Variants in KIF27 observed in about 807,000 individuals in gnomAD.
KIF27 encodes kinesin-like protein KIF27.
Under a neutral mutation model 141.8 loss-of-function variants are expected in KIF27, and 84 were observed. That is an observed-to-expected ratio of 0.59 (90% CI 0.50 to 0.71). KIF27 has a LOEUF of 0.71. KIF27 is among the 30% of genes least tolerant of loss of function. The probability of loss-of-function intolerance (pLI) is 0.00; values close to 1 mark genes in which losing one functional copy is unlikely to be tolerated. For synonymous variants in KIF27, 471 were observed against 569.5 expected, an observed-to-expected ratio of 0.83 and a Z score of 2.46; for missense variants, 1,306 against 1,628.4, an observed-to-expected ratio of 0.80 and a Z score of 3.41.
chr9:83,841,279 C>T (rs1249147400), intron 17 of KIF27, among the ~76,000 whole-genome samples: 1 of 152,198 alleles, frequency 6.6e-6, no homozygotes, highest in Non-Finnish European at 1.5e-5. Context: ...CCATGTTGGT[C>T]AGGTTGGTCT....
In KIF27 at chr9:83,899,797, A is replaced by C. The variant is rs903207904; in HGVS notation, c.1466T>G (p.Leu489Arg). The C allele has an allele frequency of 6.2e-7, 1 of 1,610,882 alleles. No homozygotes were observed. Among genetic ancestry groups the C allele is most frequent in the African/African-American group, 1.3e-5 (1 of 74,914 alleles). ...ATTAAATACTACTTCATCAGCAGCA[A>C]GCACACACTAGTGGGGAAAGAAAGC... The part of the protein sequence containing the change: ...KRELKKCQCV[L>R]AADEVVFNQK... The change falls in exon 5 of 18, where the codon CTT becomes CGT. Residue 489 changes from leucine (L) to arginine (R), a missense_variant. Coordinates refer to ENST00000297814, the MANE Select transcript of KIF27 (RefSeq NM_017576.4).
At chr9:83,899,122 A>G (rs1011774996) in intron 5 of KIF27, among the ~76,000 whole-genome samples, 1 of 152,202 alleles carries the variant, frequency 6.6e-6, no homozygotes, top group Non-Finnish European at 1.5e-5. Flanking sequence ...GCTTTAAATG[A>G]TATTAACTAT....
Position 83,867,811 on chromosome 9 carries a change from A to T in KIF27, c.2807T>A (p.Leu936Gln). ...CTCCTCTAATTCTTGGCGTTGGTTC[A>T]GAACTTTCTCTACTTCTTCATCTAA... ...KWLDEEVEKV[L>Q]NQRQELEELE... Residue 936 changes from leucine to glutamine, a missense_variant, in exon 13 of 18, where the codon CTG becomes CAG. Coordinates refer to ENST00000297814, the MANE Select transcript of KIF27 (RefSeq NM_017576.4). 6.2e-7 allele frequency: 1 copy of T among 1,612,202 alleles called. No individual in the cohort carries two copies.
At chr9:83,872,061 A>G (rs966746836) in intron 11 of KIF27, among the ~76,000 whole-genome samples, 12 of 150,020 alleles carry the variant, frequency 8.0e-5, no homozygotes, top group African/African-American at 2.4e-4. Flanking sequence ...GTGGTGGCTC[A>G]TGCCTGTAAT....
In KIF27 at chr9:83,853,771, C is replaced by T. The variant is rs1948871669; in HGVS notation, c.3215G>A (p.Arg1072Lys). ...IEALEAAIEY[R>K]NESIQNRQKS... ...CTGGCGATTCTGGATACTTTCATTC[C>T]TGTATTCAATTGCAGCTTCCAAAGC... The change falls in exon 15 of 18, where the codon AGG (arginine) becomes AAG (lysine). Residue 1072 changes from arginine to lysine, a missense_variant. By Grantham distance (26) the Arg-to-Lys change is conservative. Coordinates refer to ENST00000297814, the MANE Select transcript of KIF27 (RefSeq NM_017576.4). 5.6e-6 allele frequency: 9 copies of T among 1,613,742 alleles called. No homozygotes were observed. The highest frequency in any genetic ancestry group is 6.8e-6 in the Non-Finnish European group (8 of 1,179,726).
chr9:83,911,005 A>C (rs2132719056), intron 2 of KIF27, among the ~76,000 whole-genome samples: 1 of 152,304 alleles, frequency 6.6e-6, no homozygotes, highest in African/African-American at 2.4e-5. Flanking sequence ...GTGACATAAC[A>C]TGCTAAGAGA....
chr9:83,837,412 G>C lies in KIF27; in HGVS notation c.3795C>G (p.Ser1265=). Residue 1265 remains serine, a synonymous_variant, in exon 18 of 18, where the codon TCC becomes TCG. Transcript: ENST00000297814. The part of the protein sequence containing the change: ...GMLSEELKWA[S]RPESMKLSGR... ...CACTTAATTTCATACTTTCAGGTCT[G>C]GATGCCCATTTTAATTCTTCTGAAA... The C allele has an allele frequency of 6.2e-7, 1 of 1,612,374 alleles. No homozygotes were observed.
At chr9:83,888,732 A>C in intron 7 of KIF27, 140 bp from the exon 8 acceptor site, 1 of 488,762 alleles carries the variant, frequency 2.0e-6, no homozygotes, top group Non-Finnish European at 3.5e-6. Flanking sequence ...TATTGCTCAA[A>C]ATAAAAGGAT....
chr9:83,853,688 T>C lies in KIF27; in HGVS notation c.3298A>G (p.Lys1100Glu), dbSNP rs779980486. 3 of 1,613,894 alleles carry C rather than the reference T, an allele frequency of 1.9e-6. No homozygotes were observed. The South Asian group carries it at 3.3e-5, about 18-fold the overall frequency. Residue 1100 changes from lysine (K) to glutamate (E), a missense_variant, in exon 15 of 18, where the codon AAG becomes GAG. Physicochemically the swap from Lys to Glu is moderately conservative, Grantham distance 56 (BLOSUM62 1). Coordinates refer to ENST00000297814, the MANE Select transcript of KIF27 (RefSeq NM_017576.4). Reference protein sequence around the residue: ...LSRGEANVLEKLACLSPVEIR... With the variant: ...LSRGEANVLEELACLSPVEIR... ...TCAACAGGACTCAGGCAAGCTAGCT[T>C]TTCCAAGACATTTGCTTCACCACGA...
At chr9:83,905,530 T>C (rs1954429857) in intron 3 of KIF27, among the ~76,000 whole-genome samples, 1 of 152,268 alleles carries the variant, frequency 6.6e-6, no homozygotes, top group African/African-American at 2.4e-5. Flanking sequence ...TTTACTCAGA[T>C]ACTGTCACAT....
chr9:83,895,510 A>G (rs1441586401), intron 5 of KIF27, among the ~76,000 whole-genome samples: 2 of 152,192 alleles, frequency 1.3e-5, no homozygotes, highest in East Asian at 3.9e-4. Context: ...GATGCTTTCT[A>G]TCACCACTTG....
chr9:83,917,287 T>C (rs997683661), intron 1 of KIF27, among the ~76,000 whole-genome samples: 2 of 152,248 alleles, frequency 1.3e-5, no homozygotes, highest in Admixed American at 1.3e-4. Flanking sequence ...GTAAAACATA[T>C]AGTCTGAAAA....
rs1949617336 is a variant in KIF27 at position 83,859,346 on chromosome 9, A to G, written c.2960T>C (p.Ile987Thr). ...TTCCAGTAAGTTCAGGCGAGTTGAT[A>G]TTTTCAAACTATCTGTGTTTAAGGC... ...SQALNTDSLK[I>T]STRLNLLEQE... Residue 987 changes from isoleucine (I) to threonine (T), a missense_variant, in exon 14 of 18, where the codon ATA becomes ACA. Physicochemically the swap from Ile to Thr is moderately conservative, Grantham distance 89. Coordinates refer to ENST00000297814, the MANE Select transcript of KIF27 (RefSeq NM_017576.4). 1 of 1,614,052 alleles carries G rather than the reference A, an allele frequency of 6.2e-7. No individual in the cohort carries two copies.
intron 5 of KIF27, among the ~76,000 whole-genome samples, chr9:83,894,234 A>G (rs148787570): frequency 0.02 from 3,033 of 152,276 alleles, 83 homozygotes; most frequent in African/African-American, 0.069. Context: ...TAAATAATCT[A>G]TATTATGAGG....
At chr9:83,891,174 C>T (rs2483201) in intron 6 of KIF27, 121 bp downstream of exon 6, 1 of 698,988 alleles carries the variant, frequency 1.4e-6, no homozygotes, top group Non-Finnish European at 2.4e-6. Context: ...AAAAGGTATA[C>T]ACAAAATTCC....
intron 2 of KIF27, 121 bp downstream of exon 2, chr9:83,915,173 C>T (rs1955566075): frequency 1.4e-6 from 1 of 730,784 alleles, no homozygotes; most frequent in African/African-American, 1.8e-5. Flanking sequence ...CATTTGATTA[C>T]ATGATTCATT....
rs750631509 is a variant in KIF27, at chr9:83,903,165, C to G, written c.1353G>C (p.Lys451Asn). The G allele has an allele frequency of 6.2e-7, 1 of 1,614,102 alleles. No homozygotes were observed. The highest frequency in any genetic ancestry group is 1.1e-5 in the South Asian group (1 of 91,086). The stretch of plus-strand genomic sequence containing the variant: ...TTCCTCGAAATGAGGTGAGGACAGC[C>G]TTCCTGACCTCTTGGATCATGTTAA... ...EWFNMIQEVRKAVLTSFRGIG... is the reference protein window; with the variant it reads ...EWFNMIQEVRNAVLTSFRGIG... Residue 451 changes from lysine to asparagine, a missense_variant, in exon 4 of 18, where the codon AAG becomes AAC. This residue lies in a region of KIF27 where 533 missense variants were observed against 565.6 expected (regional missense o/e 0.94). Coordinates refer to ENST00000297814, the MANE Select transcript of KIF27 (RefSeq NM_017576.4).
At position 83,853,513 on chromosome 9, in the gene KIF27, G is replaced by A. The variant is rs1010141855; in HGVS notation, c.3357+116C>T. Reference sequence around the variant, plus strand: ...AAGAGAAATCATGCTTAAATTTGTAGTTACATCATCAAATCTTTAAGCCTT... The same window carrying A: ...AAGAGAAATCATGCTTAAATTTGTAATTACATCATCAAATCTTTAAGCCTT... On this transcript the variant is annotated intron_variant, in intron 15 of 17. Transcript: ENST00000297814. 2.0e-5 allele frequency: 14 copies of A among 683,124 alleles called. No homozygotes were observed. The African/African-American group carries it at 2.2e-4, about 11-fold the overall frequency. The allele number at this position is 683,124 out of a possible 1,614,324, so 42.3% of individuals were successfully genotyped here. A position where few individuals can be genotyped will look rare whatever the true frequency, so the allele number is the denominator to read the frequency against.
intron 1 of KIF27, among the ~76,000 whole-genome samples, chr9:83,919,090 AAAC>A (rs1588357133): frequency 6.6e-6 from 1 of 152,062 alleles, no homozygotes; most frequent in Non-Finnish European, 1.5e-5. Flanking sequence ...ACAAACAAAC[AAAC>A]AACAACCACA....
Sources: allele counts gnomAD v4.1 joint callset (sites outside exome capture counted in the v4.1 genomes callset), GRCh38; gene constraint gnomAD v4.1.1; regional missense constraint gnomAD v4.1.1; transcripts MANE v1.5; gene names NCBI Gene and HGNC (gene_info 2026-07-23, HGNC 2026-07-21).